The following BAZ1B variants were observed in gnomAD, a reference collection of about 807,000 sequenced individuals.
BAZ1B encodes bromodomain adjacent to zinc finger domain 1B.
In BAZ1B, 22 loss-of-function variants were observed where a neutral mutation model predicts 153.8. The observed-to-expected ratio is 0.14, with a 90% CI of 0.10 to 0.20. BAZ1B has a LOEUF of 0.20. BAZ1B is among the 10% of genes least tolerant of loss of function. The pLI is 1.00. For synonymous variants in BAZ1B, 676 were observed against 633.4 expected (o/e 1.07, Z -1.01); for missense variants, 1,325 against 1,799.3 (o/e 0.74, Z 4.77).
intron 1 of BAZ1B, among the ~76,000 whole-genome samples, chr7:73,513,442 C>A (rs79371673): frequency 0.011 from 1,706 of 152,204 alleles, 36 homozygotes; most frequent in African/African-American, 0.04. Context: ...AGGGGTGGTG[C>A]TAATATCTAA....
chr7:73,468,670 T>C (rs1056987010), intron 9 of BAZ1B, among the ~76,000 whole-genome samples: 1 of 152,178 alleles, frequency 6.6e-6, no homozygotes, highest in Non-Finnish European at 1.5e-5. Context: ...TGTCCCTACA[T>C]GATCCCCTCT....
In BAZ1B at chr7:73,518,422, A is replaced by ATAAG. The variant is rs1180205202; in HGVS notation, c.107+3404_107+3405insCTTA. Reference sequence around the variant, plus strand: ...AGCGAGACTCCGTCTCAAAAAATAAATAAATAAATAAATAAAAATAAAAAT... The same window carrying ATAAG: ...AGCGAGACTCCGTCTCAAAAAATAAATAAGTAAATAAATAAATAAAAATAAAAAT... On this transcript the variant is annotated intron_variant, in intron 1 of 19. Transcript: ENST00000339594. Among the ~76,000 whole-genome samples the ATAAG allele has an allele frequency of 4.9e-4, 75 of 151,850 alleles. 2 individuals carry two copies. The East Asian group carries it at 0.014, about 29-fold the overall frequency.
intron 3 of BAZ1B, among the ~76,000 whole-genome samples, chr7:73,502,962 T>C (rs1462545625): frequency 3.3e-5 from 5 of 152,204 alleles, no homozygotes; most frequent in African/African-American, 1.2e-4. Context: ...GTTCACATTT[T>C]TTCTGCTATA....
At chr7:73,494,849 G>GT (rs1285481340) in intron 4 of BAZ1B, among the ~76,000 whole-genome samples, 4 of 152,162 alleles carry the variant, frequency 2.6e-5, no homozygotes, top group Admixed American at 6.5e-5. Context: ...AATGTTAAAG[G>GT]TATTTTAACT....
intron 17 of BAZ1B, among the ~76,000 whole-genome samples, chr7:73,443,570 C>A (rs181801876): frequency 3.3e-5 from 5 of 152,282 alleles, no homozygotes; most frequent in Non-Finnish European, 7.3e-5. Context: ...CTAAAAACTA[C>A]TAAAATTACA....
chr7:73,462,701 G>T, intron 12 of BAZ1B: 1 of 541,966 alleles, frequency 1.8e-6, no homozygotes, highest in Non-Finnish European at 3.3e-6. Context: ...TTCATACCAA[G>T]GTTGTAAGCC....
rs60760677 is a variant in BAZ1B at position 73,485,626 on chromosome 7, A to G, written c.891+3568T>C. On this transcript the variant is annotated intron_variant, in intron 6 of 19. Coordinates refer to ENST00000339594, the MANE Select transcript of BAZ1B (RefSeq NM_032408.4). ...GGAGACAGCATAAGGCCTACCTCAGAAAAAAAAAAAAAAAAAGAGAGAGAG... is the reference window on the plus strand; with the variant it reads ...GGAGACAGCATAAGGCCTACCTCAGGAAAAAAAAAAAAAAAAGAGAGAGAG... Among the ~76,000 whole-genome samples, 872 of 91,350 alleles carry G rather than the reference A, an allele frequency of 9.5e-3. 5 individuals carry two copies. The highest frequency in any genetic ancestry group is 0.033 in the African/African-American group (646 of 19,474). The allele number at this position is 91,350 out of a possible 152,430, so 59.9% of individuals were successfully genotyped here.
rs117624871 is a variant in BAZ1B at position 73,448,834 on chromosome 7, T to C, written c.3728+708A>G. On this transcript the variant is annotated intron_variant, in intron 15 of 19. Transcript: ENST00000339594. ...GAGGCCAGGAATTGGGATGTTATTC[T>C]AGAGGCAATGGGAAGACTAGAAGTT... Among the ~76,000 whole-genome samples the C allele has an allele frequency of 5.2e-3, 795 of 152,338 alleles. 2 individuals are homozygous for C. Among genetic ancestry groups the C allele is most frequent in the Non-Finnish European group, 8.6e-3 (584 of 68,034 alleles).
Position 73,460,272 on chromosome 7 carries a change from C to T in BAZ1B, c.3250-554G>A, listed in dbSNP as rs549605412. Among the ~76,000 whole-genome samples the T allele has an allele frequency of 9.9e-5, 15 of 151,896 alleles. No homozygotes were observed. The East Asian group carries it at 1.9e-3, about 20-fold the overall frequency. Reference sequence around the variant, plus strand: ...AAGGGATCCACTAAATGGCAGAAGCCCCCCCACATAAAGGAGTTACATAGT... The same window carrying T: ...AAGGGATCCACTAAATGGCAGAAGCTCCCCCACATAAAGGAGTTACATAGT... On this transcript the variant is annotated intron_variant, in intron 12 of 19. Coordinates refer to ENST00000339594, the MANE Select transcript of BAZ1B (RefSeq NM_032408.4).
chr7:73,458,944 T>G (rs1248113975), intron 13 of BAZ1B, among the ~76,000 whole-genome samples: 1 of 151,968 alleles, frequency 6.6e-6, no homozygotes, highest in Non-Finnish European at 1.5e-5. Flanking sequence ...CACCACCTTT[T>G]TAAAAAAGAA....
chr7:73,470,602 C>T (rs1722673491), intron 7 of BAZ1B, 119 bp from the exon 8 acceptor site: 1 of 1,209,358 alleles, frequency 8.3e-7, no homozygotes, highest in East Asian at 2.5e-5. Flanking sequence ...TCTTAGTTTG[C>T]TTTCTCTAAT....
intron 12 of BAZ1B, among the ~76,000 whole-genome samples, chr7:73,461,826 A>G (rs1459726629): frequency 6.6e-6 from 1 of 152,232 alleles, no homozygotes; most frequent in African/African-American, 2.4e-5. Flanking sequence ...GAGGTGGCTC[A>G]TGCCTATAAT....
chr7:73,489,514 T>C (rs1369048469), intron 5 of BAZ1B, 123 bp from the exon 6 acceptor site: 3 of 966,580 alleles, frequency 3.1e-6, no homozygotes, highest in Admixed American at 2.5e-5. Flanking sequence ...GGGCTACAAA[T>C]TAGAAAGAAA....
At chr7:73,510,434 G>C (rs900288824) in intron 2 of BAZ1B, among the ~76,000 whole-genome samples, 2 of 152,046 alleles carry the variant, frequency 1.3e-5, no homozygotes, top group Non-Finnish European at 2.9e-5. Context: ...CTCAAAAAAA[G>C]AAAAAGCAAA....
chr7:73,443,963 G>A (rs781806765), intron 17 of BAZ1B, 21 bp downstream of exon 17: 6 of 1,613,200 alleles, frequency 3.7e-6, no homozygotes, highest in Non-Finnish European at 5.1e-6. Flanking sequence ...GGTTAGAGAA[G>A]GGATGATAAA....
intron 4 of BAZ1B, among the ~76,000 whole-genome samples, chr7:73,497,065 C>CAAAAAAAAAAAAAAAAAAAAAAAAAAAAA (rs1156829240): frequency 2.0e-5 from 1 of 49,526 alleles, no homozygotes; most frequent in African/African-American, 8.9e-5. Context: ...CTGACCTCTA[C>CAAAAAAAAAAAAAAAAAAAAAAAAAAAAA]AAAAAAAAAA....
intron 7 of BAZ1B, 70 bp downstream of exon 7, chr7:73,476,798 A>G (rs147943420): frequency 0.01 from 15,961 of 1,524,938 alleles, 122 homozygotes; most frequent in Middle Eastern, 0.023. Context: ...CCCTACCATT[A>G]CCTCAGTAAT....
chr7:73,457,570 TACATAGAG>T (rs1205642607), intron 13 of BAZ1B, among the ~76,000 whole-genome samples: 4 of 152,184 alleles, frequency 2.6e-5, no homozygotes, highest in African/African-American at 9.7e-5. Flanking sequence ...CAAAATGTGG[TACATAGAG>T]ACATGATATA....
At chr7:73,446,790 G>A (rs571816131) in intron 16 of BAZ1B, among the ~76,000 whole-genome samples, 66 of 152,226 alleles carry the variant, frequency 4.3e-4, no homozygotes, top group Admixed American at 2.4e-3. Context: ...ATAATCAGTC[G>A]TCTCTTTTCA....
Sources: gnomAD v4.1 joint callset for allele counts (sites outside exome capture counted in the v4.1 genomes callset) on GRCh38, gnomAD v4.1.1 for gene constraint, MANE v1.5 for transcripts, NCBI Gene and HGNC (gene_info 2026-07-23, HGNC 2026-07-21) for gene names.